Variants in RAPGEF1 observed in about 807,000 individuals in gnomAD.
RAPGEF1 encodes the protein Rap guanine nucleotide exchange factor 1.
Under a neutral mutation model 143.3 loss-of-function variants are expected in RAPGEF1, and 33 were observed. That is an observed-to-expected ratio of 0.23 (90% CI 0.17 to 0.31). The LOEUF (loss-of-function observed/expected upper bound fraction) is 0.31, where lower values mean the gene tolerates loss of function less well. Among genes scored for constraint, RAPGEF1 ranks in the 10% least tolerant of loss-of-function variants. The pLI is 1.00. For synonymous variants in RAPGEF1, 629 were observed against 676.5 expected (o/e 0.93, Z 1.09); for missense variants, 1,199 against 1,645.4 (o/e 0.73, Z 4.69).
intron 5 of RAPGEF1, among the ~76,000 whole-genome samples, chr9:131,635,597 G>C (rs925907721): frequency 6.6e-6 from 1 of 152,220 alleles, no homozygotes; most frequent in South Asian, 2.1e-4. Flanking sequence ...CACGCCACCA[G>C]GGCATGGGCT....
rs561217836 is a variant in RAPGEF1 at position 131,641,845 on chromosome 9, G to A, written c.494+1394C>T. Reference sequence around the variant, plus strand: ...GGCCAAAAGACCACAGTCTCCACGCGTCAGCTGAAACTCCAGGGAGGAAGC... The same window carrying A: ...GGCCAAAAGACCACAGTCTCCACGCATCAGCTGAAACTCCAGGGAGGAAGC... On this transcript the variant is annotated intron_variant, in intron 4 of 26. Transcript: ENST00000683357. This position sits in a 1 kb window ranked among gnomAD's most constrained non-coding sequence, Gnocchi z 4.6. Among the ~76,000 whole-genome samples the A allele has an allele frequency of 1.6e-4, 24 of 152,330 alleles. No homozygotes were observed. Among genetic ancestry groups the A allele is most frequent in the Admixed American group, 1.1e-3 (17 of 15,304 alleles).
At chr9:131,598,112 G>A in intron 16 of RAPGEF1, 87 bp downstream of exon 16, 1 of 1,195,808 alleles carries the variant, frequency 8.4e-7, no homozygotes, top group Non-Finnish European at 1.2e-6. Context: ...GGGTTGTTCT[G>A]CTTATGACAA....
chr9:131,679,970 C>T (rs1354305450), intron 1 of RAPGEF1, among the ~76,000 whole-genome samples: 1 of 152,240 alleles, frequency 6.6e-6, no homozygotes, highest in African/African-American at 2.4e-5. Context: ...AAGGCGTCAA[C>T]TCCAGGAGGC....
intron 1 of RAPGEF1, among the ~76,000 whole-genome samples, chr9:131,720,037 C>G (rs1441026112): frequency 6.6e-6 from 1 of 152,092 alleles, no homozygotes; most frequent in Non-Finnish European, 1.5e-5. Flanking sequence ...AGGCATGGGC[C>G]ACCACACCCA....
intron 1 of RAPGEF1, among the ~76,000 whole-genome samples, chr9:131,696,623 A>G (rs540806833): frequency 3.8e-4 from 58 of 152,352 alleles, no homozygotes; most frequent in African/African-American, 1.3e-3. Flanking sequence ...AGCGAACTGT[A>G]GCTCTGAATA....
chr9:131,623,151 C>T (rs975163635), intron 10 of RAPGEF1, among the ~76,000 whole-genome samples: 3 of 152,046 alleles, frequency 2.0e-5, no homozygotes, highest in Admixed American at 6.6e-5. Flanking sequence ...TCCCAAGCAC[C>T]CACAAACTGC....
chr9:131,611,307 T>C (rs981263450), intron 12 of RAPGEF1, among the ~76,000 whole-genome samples: 1 of 152,176 alleles, frequency 6.6e-6, no homozygotes, highest in Non-Finnish European at 1.5e-5. Context: ...ATCTTCTCCC[T>C]TTTCAAATAA....
At chr9:131,657,736 C>A (rs753264654) in intron 1 of RAPGEF1, among the ~76,000 whole-genome samples, 1 of 152,210 alleles carries the variant, frequency 6.6e-6, no homozygotes, top group Non-Finnish European at 1.5e-5. Context: ...GCTCGAGAAG[C>A]GGATGGATTC....
At chr9:131,660,877 A>G (rs891475683) in intron 1 of RAPGEF1, among the ~76,000 whole-genome samples, 6 of 152,240 alleles carry the variant, frequency 3.9e-5, no homozygotes, top group Admixed American at 6.5e-5. Context: ...TTTTACTTGC[A>G]TAACTGGTAA....
In RAPGEF1 at chr9:131,667,061, C is replaced by T. The variant is rs1252325051; in HGVS notation, c.62-16112G>A. 6.6e-6 allele frequency among the ~76,000 whole-genome samples: 1 copy of T among 152,152 alleles called. No homozygotes were observed. Among genetic ancestry groups the T allele is most frequent in the Non-Finnish European group, 1.5e-5 (1 of 68,038 alleles). Reference sequence around the variant, plus strand: ...GCGGAGTGCAGTGGCACGAACTCGGCTCACTGCCATCTCCATCTCACGGGT... The same window carrying T: ...GCGGAGTGCAGTGGCACGAACTCGGTTCACTGCCATCTCCATCTCACGGGT... On this transcript the variant is annotated intron_variant, in intron 1 of 26. Coordinates refer to ENST00000683357, the MANE Select transcript of RAPGEF1 (RefSeq NM_001377935.1). The surrounding 1 kb of genome is among the most constrained non-coding windows in gnomAD (Gnocchi z 4.6).
chr9:131,705,644 T>A (rs1834998793), intron 1 of RAPGEF1, among the ~76,000 whole-genome samples: 2 of 152,166 alleles, frequency 1.3e-5, no homozygotes, highest in Admixed American at 6.5e-5. Context: ...ACGAGAAGCA[T>A]CCATTAATGT....
chr9:131,710,700 C>T (rs545052983), intron 1 of RAPGEF1, among the ~76,000 whole-genome samples: 16 of 152,102 alleles, frequency 1.1e-4, no homozygotes, highest in Non-Finnish European at 1.8e-4. Flanking sequence ...ACCAGACTGG[C>T]CAACATGGTG....
At chr9:131,689,149 A>G (rs2130999140) in intron 1 of RAPGEF1, among the ~76,000 whole-genome samples, 1 of 152,336 alleles carries the variant, frequency 6.6e-6, no homozygotes, top group South Asian at 2.1e-4. Context: ...TTGAAATATA[A>G]AGAATCATAT....
intron 26 of RAPGEF1, 117 bp downstream of exon 26, chr9:131,580,146 G>T: frequency 7.4e-7 from 1 of 1,346,322 alleles, no homozygotes; most frequent in Non-Finnish European, 1.0e-6. Flanking sequence ...TATCTCAGCA[G>T]TGGCAGGTCC....
chr9:131,639,658 A>C (rs1967276511), intron 4 of RAPGEF1, among the ~76,000 whole-genome samples: 1 of 152,196 alleles, frequency 6.6e-6, no homozygotes, highest in Non-Finnish European at 1.5e-5. Context: ...AACAATTATC[A>C]CAGAGGAAGA....
chr9:131,585,488 C>T (rs1952571463), intron 22 of RAPGEF1, among the ~76,000 whole-genome samples: 1 of 152,238 alleles, frequency 6.6e-6, no homozygotes, highest in East Asian at 1.9e-4. Flanking sequence ...CACCTCTGTG[C>T]AGCCAGGCCC....
Position 131,667,068 on chromosome 9 carries a change from C to T in RAPGEF1, c.62-16119G>A, listed in dbSNP as rs1481924614. On this transcript the variant is annotated intron_variant, in intron 1 of 26. Transcript: ENST00000683357. The surrounding 1 kb of genome is among the most constrained non-coding windows in gnomAD (Gnocchi z 4.6). ...GCAGTGGCACGAACTCGGCTCACTG[C>T]CATCTCCATCTCACGGGTTCAAGTG... Among the ~76,000 whole-genome samples, 1 of 152,170 alleles carries T rather than the reference C, an allele frequency of 6.6e-6. No homozygotes were observed. Among genetic ancestry groups the T allele is most frequent in the Non-Finnish European group, 1.5e-5 (1 of 68,030 alleles).
rs1564661670 is a variant in RAPGEF1 at position 131,667,970 on chromosome 9, A to G, written c.62-17021T>C. Among the ~76,000 whole-genome samples, 1 of 152,226 alleles carries G rather than the reference A, an allele frequency of 6.6e-6. No individual in the cohort carries two copies. Among genetic ancestry groups the G allele is most frequent in the African/African-American group, 2.4e-5 (1 of 41,456 alleles). ...TGTGGCCACCAGACCGTTCAAAAAT[A>G]TACTCCTTTTTGGGATAAATGCCAC... On this transcript the variant is annotated intron_variant, in intron 1 of 26. Transcript: ENST00000683357. This position sits in a 1 kb window ranked among gnomAD's most constrained non-coding sequence, Gnocchi z 4.6.
At chr9:131,684,163 G>T (rs1350069623) in intron 1 of RAPGEF1, among the ~76,000 whole-genome samples, 1 of 152,228 alleles carries the variant, frequency 6.6e-6, no homozygotes, top group East Asian at 1.9e-4. Context: ...TTTACAGGAG[G>T]AGTTAACCCT....
Sources: gnomAD v4.1 joint callset for allele counts (sites outside exome capture counted in the v4.1 genomes callset) on GRCh38, gnomAD v4.1.1 for gene constraint, Gnocchi (gnomAD v3.1) non-coding constraint, MANE v1.5 for transcripts, NCBI Gene and HGNC (gene_info 2026-07-23, HGNC 2026-07-21) for gene names.